GRIN2B: variants seen among roughly 807,000 people sequenced by gnomAD.
The protein encoded by GRIN2B is glutamate receptor ionotropic, NMDA 2B.
Under a neutral mutation model 114.5 loss-of-function variants are expected in GRIN2B, and 5 were observed. That is an observed-to-expected ratio of 0.04 (90% confidence interval 0.02 to 0.09). The LOEUF (loss-of-function observed/expected upper bound fraction) is 0.09, where lower values mean the gene tolerates loss of function less well. GRIN2B is among the 10% of genes least tolerant of loss of function. The probability of loss-of-function intolerance (pLI) is 1.00; values close to 1 mark genes in which losing one functional copy is unlikely to be tolerated. For missense variants in GRIN2B, 1,108 were observed against 1,943.5 expected, an observed-to-expected ratio of 0.57 and a Z score of 8.08; for synonymous variants, 787 against 745.1, an observed-to-expected ratio of 1.06 and a Z score of -0.92.
chr12:13,662,249 A>C (rs1176383175), intron 5 of GRIN2B, among the ~76,000 whole-genome samples: 1 of 152,156 alleles, frequency 6.6e-6, no homozygotes, highest in Non-Finnish European at 1.5e-5. Flanking sequence ...ATGGGAGATA[A>C]AATACTACTC....
At chr12:13,909,062 A>C (rs893086153) in intron 2 of GRIN2B, among the ~76,000 whole-genome samples, 2 of 152,168 alleles carry the variant, frequency 1.3e-5, no homozygotes, top group African/African-American at 4.8e-5. Context: ...GGCTCCAAAA[A>C]AATGACATGA....
chr12:13,873,387 G>T lies in GRIN2B; in HGVS notation c.-18-7161C>A, dbSNP rs570931756. Among the ~76,000 whole-genome samples the T allele has an allele frequency of 7.2e-5, 11 of 152,178 alleles. 1 individual carries two copies. In the South Asian group the frequency reaches 8.3e-4, roughly 12 times the overall value. ...GACCAATATCTATTTTTGTCAAATG[G>T]CATCTATATATTCAGGGCATTTAAA... is the stretch of plus-strand genomic sequence containing the variant. On this transcript the variant is annotated intron_variant, in intron 2 of 13. Transcript: ENST00000609686.
At chr12:13,805,556 T>A (rs1263117203) in intron 3 of GRIN2B, among the ~76,000 whole-genome samples, 1 of 152,198 alleles carries the variant, frequency 6.6e-6, no homozygotes, top group African/African-American at 2.4e-5. Context: ...TTATTATTTA[T>A]GTTATTAAAA....
rs966684646 is a variant in GRIN2B, at chr12:13,918,312, G to A, written c.-18-52086C>T. Among the ~76,000 whole-genome samples, 6 of 152,200 alleles carry A rather than the reference G, an allele frequency of 3.9e-5. No individual in the cohort carries two copies. The East Asian group carries it at 7.7e-4, about 20-fold the overall frequency. ...CCTAAATACTCAGGAGACTGAGGCA[G>A]GAGGATAACTTGGGCCCAGGAATTT... On this transcript the variant is annotated intron_variant, in intron 2 of 13. Transcript: ENST00000609686.
intron 2 of GRIN2B, among the ~76,000 whole-genome samples, chr12:13,903,086 T>C (rs1012008938): frequency 3.3e-5 from 5 of 152,150 alleles, no homozygotes; most frequent in Non-Finnish European, 7.4e-5. Flanking sequence ...GCACTTCTAG[T>C]GATATCCCCA....
rs1948236152 is a variant in GRIN2B, at chr12:13,538,305, C to G, written c.*24478G>C. ...CACAAGGGCATGTAGGACACAGGTG[C>G]TCTGAGCTAATCCATTTAAGAGATT... On this transcript the variant is annotated 3_prime_UTR_variant, in exon 14 of 14. Coordinates refer to ENST00000609686, the MANE Select transcript of GRIN2B (RefSeq NM_000834.5). The G allele has an allele frequency of 6.6e-6, 1 of 152,202 alleles. No individual in the cohort carries two copies. The highest frequency in any genetic ancestry group is 1.5e-5 in the Non-Finnish European group (1 of 68,072). 9.4% of individuals were successfully genotyped at this position (152,202 alleles called of 1,614,324 possible). A position where few individuals can be genotyped will look rare whatever the true frequency, so the allele number is the denominator to read the frequency against.
chr12:13,826,502 T>A (rs1352685086), intron 3 of GRIN2B, among the ~76,000 whole-genome samples: 2 of 152,126 alleles, frequency 1.3e-5, no homozygotes, highest in Non-Finnish European at 2.9e-5. Context: ...TGCCACTAAA[T>A]AGATAGTATA....
At chr12:13,714,944 C>G (rs1950442595) in intron 4 of GRIN2B, among the ~76,000 whole-genome samples, 1 of 151,828 alleles carries the variant, frequency 6.6e-6, no homozygotes, top group Non-Finnish European at 1.5e-5. Flanking sequence ...TATGTACTAT[C>G]ACTTCATTAT....
intron 5 of GRIN2B, among the ~76,000 whole-genome samples, chr12:13,661,246 T>C (rs1359904466): frequency 6.6e-6 from 1 of 152,212 alleles, no homozygotes; most frequent in Non-Finnish European, 1.5e-5. Flanking sequence ...TTAGGATTAT[T>C]TGTTACTCTG....
At chr12:13,852,472 A>G (rs1293622544) in intron 3 of GRIN2B, among the ~76,000 whole-genome samples, 1 of 152,210 alleles carries the variant, frequency 6.6e-6, no homozygotes, top group Non-Finnish European at 1.5e-5. Context: ...TGTAAAAATA[A>G]CAAAACAAAA....
Position 13,556,154 on chromosome 12 carries a change from G to A in GRIN2B, c.*6629C>T, listed in dbSNP as rs930507705. 6.6e-6 allele frequency: 1 copy of A among 152,128 alleles called. No homozygotes were observed. The highest frequency in any genetic ancestry group is 1.5e-5 in the Non-Finnish European group (1 of 68,012). The allele number at this position is 152,128 out of a possible 1,614,324, so 9.4% of individuals were successfully genotyped here. ...TTAGAGAGGAAATCCCAGAGTTTTAGCTCTGGGAGGTGTAATAATTTCAAA... is the reference window on the plus strand; with the variant it reads ...TTAGAGAGGAAATCCCAGAGTTTTAACTCTGGGAGGTGTAATAATTTCAAA... On this transcript the variant is annotated 3_prime_UTR_variant, in exon 14 of 14. Coordinates refer to ENST00000609686, the MANE Select transcript of GRIN2B (RefSeq NM_000834.5).
At chr12:13,858,373 C>A (rs1446116109) in intron 3 of GRIN2B, among the ~76,000 whole-genome samples, 3 of 152,112 alleles carry the variant, frequency 2.0e-5, no homozygotes, top group Non-Finnish European at 4.4e-5. Flanking sequence ...ATAAAAATAA[C>A]CACCTTTAAT....
chr12:13,753,481 A>G lies in GRIN2B; in HGVS notation c.846T>C (p.Tyr282=), dbSNP rs1208230861. The change falls in exon 4 of 14, where the codon TAT becomes TAC. Residue 282 remains tyrosine (Y), a synonymous_variant. Coordinates refer to ENST00000609686, the MANE Select transcript of GRIN2B (RefSeq NM_000834.5). This position sits in a 1 kb window ranked among gnomAD's most constrained non-coding sequence, Gnocchi z 6.2. The part of the protein sequence containing the change: ...EFPTGLISVS[Y]DEWDYGLPAR... ...CGGGGAGGCCATAGTCCCATTCATC[A>G]TATGATACAGAGATGAGCCCAGTGG... 1.9e-6 allele frequency: 3 copies of G among 1,614,160 alleles called. No individual in the cohort carries two copies. The highest frequency in any genetic ancestry group is 2.5e-6 in the Non-Finnish European group (3 of 1,180,002).
chr12:13,579,751 G>T (rs1948821871), intron 10 of GRIN2B, among the ~76,000 whole-genome samples: 2 of 151,960 alleles, frequency 1.3e-5, no homozygotes, highest in East Asian at 1.9e-4. Context: ...TCTGGTGAGG[G>T]TATGGGTGCT....
chr12:13,592,832 T>C (rs1364648515), intron 10 of GRIN2B, among the ~76,000 whole-genome samples: 1 of 152,202 alleles, frequency 6.6e-6, no homozygotes, highest in Non-Finnish European at 1.5e-5. Flanking sequence ...GAAGATAATT[T>C]GAAAACAATG....
intron 3 of GRIN2B, among the ~76,000 whole-genome samples, chr12:13,827,371 A>T (rs965815682): frequency 6.6e-6 from 1 of 151,464 alleles, no homozygotes; most frequent in Non-Finnish European, 1.5e-5. Context: ...AATTCTTCCA[A>T]TATTTTTCTT....
chr12:13,637,725 T>C (rs1949678670), intron 5 of GRIN2B, among the ~76,000 whole-genome samples: 1 of 152,186 alleles, frequency 6.6e-6, no homozygotes, highest in African/African-American at 2.4e-5. Flanking sequence ...TTTTCTTCTC[T>C]ATTTAGGACA....
rs537596500 is a variant in GRIN2B at position 13,973,062 on chromosome 12, A to G, written c.-19+6866T>C. On this transcript the variant is annotated intron_variant, in intron 2 of 13. Transcript: ENST00000609686. ...GGAGGATTAGTTAAGAATGTCGGCC[A>G]TTTTCACAGAGAACAATTAGCTATG... Among the ~76,000 whole-genome samples, 527 of 152,264 alleles carry G rather than the reference A, an allele frequency of 3.5e-3. 6 individuals are homozygous for G. The highest frequency in any genetic ancestry group is 6.1e-3 in the Non-Finnish European group (416 of 68,012).
intron 3 of GRIN2B, among the ~76,000 whole-genome samples, chr12:13,778,523 G>T (rs1227755927): frequency 6.6e-6 from 1 of 152,158 alleles, no homozygotes; most frequent in African/African-American, 2.4e-5. Flanking sequence ...TTTAGGTGCT[G>T]ACTTACAAGA....
Sources: allele counts gnomAD v4.1 joint callset (sites outside exome capture counted in the v4.1 genomes callset), GRCh38; gene constraint gnomAD v4.1.1; non-coding constraint Gnocchi (gnomAD v3.1); transcripts MANE v1.5; gene names NCBI Gene and HGNC (gene_info 2026-07-23, HGNC 2026-07-21).